The following EFCAB5 variants were observed in gnomAD, a reference collection of about 807,000 sequenced individuals.
The protein encoded by EFCAB5 is EF-hand calcium binding domain 5.
EFCAB5 carries 131 observed loss-of-function variants against 167.9 expected under a neutral mutation model. That is an observed-to-expected ratio of 0.78 (90% CI 0.68 to 0.90). The LOEUF is 0.90. Ranked by LOEUF, EFCAB5 falls within the 40% of genes least tolerant of loss-of-function variation. The pLI is 0.00. For missense variants in EFCAB5, 1,663 were observed against 1,745.2 expected, an observed-to-expected ratio of 0.95 and a Z score of 0.84; for synonymous variants, 574 against 602.8, an observed-to-expected ratio of 0.95 and a Z score of 0.70.
rs2068470519 is a variant in EFCAB5, at chr17:29,993,544, G to A, written c.924+223G>A. ...CTAGATTTCTAAAATCTTGACTCTG[G>A]CTGAGGTTCCCAAACTCATCACTAT... On this transcript the variant is annotated intron_variant, in intron 5 of 22. Transcript: ENST00000394835. 2.0e-5 allele frequency among the ~76,000 whole-genome samples: 3 copies of A among 151,634 alleles called. No individual in the cohort carries two copies. In the South Asian group the frequency reaches 6.2e-4, roughly 31 times the overall value.
chr17:29,961,775 G>A (rs2067724732), intron 3 of EFCAB5, among the ~76,000 whole-genome samples: 1 of 151,818 alleles, frequency 6.6e-6, no homozygotes, highest in Admixed American at 6.6e-5. Context: ...TTAATTTTTT[G>A]TAGAGACACA....
intron 19 of EFCAB5, among the ~76,000 whole-genome samples, chr17:30,088,737 G>A (rs1470157116): frequency 2.0e-5 from 3 of 152,236 alleles, no homozygotes; most frequent in Non-Finnish European, 4.4e-5. Context: ...CACTGTCGTT[G>A]AGTAGGCGGT....
At chr17:30,068,706 A>G (rs1182815602) in intron 14 of EFCAB5, 4 of 1,551,190 alleles carry the variant, frequency 2.6e-6, no homozygotes, top group Non-Finnish European at 3.5e-6. Context: ...TGGGAGTGGC[A>G]GTGGGTGGCA....
chr17:29,972,843 T>A (rs2067986794), intron 4 of EFCAB5: 2 of 209,730 alleles, frequency 9.5e-6, no homozygotes, highest in Non-Finnish European at 2.0e-5. Flanking sequence ...CTGGGAAGGG[T>A]ACAATGTGAT....
At chr17:30,049,697 AT>A (rs1325036869) in intron 8 of EFCAB5, among the ~76,000 whole-genome samples, 1 of 152,250 alleles carries the variant, frequency 6.6e-6, no homozygotes, top group Non-Finnish European at 1.5e-5. Context: ...ATTACAAAAA[AT>A]AATAAACTCT....
chr17:29,934,488 G>A (rs1311161446), intron 1 of EFCAB5, among the ~76,000 whole-genome samples: 5 of 152,182 alleles, frequency 3.3e-5, no homozygotes, highest in Non-Finnish European at 5.9e-5. Context: ...TTAAAAGGGC[G>A]CATCAGATAT....
rs145088239 is a variant in EFCAB5 at position 30,035,881 on chromosome 17, G to A, written c.1200+1496G>A. Reference sequence around the variant, plus strand: ...TTAACTTAGTCAATATGCCAGAATAGCATATTTTAACCCCTTCAGAGGAAA... The same window carrying A: ...TTAACTTAGTCAATATGCCAGAATAACATATTTTAACCCCTTCAGAGGAAA... On this transcript the variant is annotated intron_variant, in intron 8 of 22. Coordinates refer to ENST00000394835, the MANE Select transcript of EFCAB5 (RefSeq NM_198529.4). Among the ~76,000 whole-genome samples the A allele has an allele frequency of 4.4e-3, 664 of 151,674 alleles. 6 individuals carry two copies. Among genetic ancestry groups the A allele is most frequent in the African/African-American group, 0.015 (631 of 41,370 alleles).
At chr17:30,019,573 G>A (rs2069125606) in intron 7 of EFCAB5, among the ~76,000 whole-genome samples, 1 of 151,730 alleles carries the variant, frequency 6.6e-6, no homozygotes. Flanking sequence ...AGCATCCTGA[G>A]TAGCTGGGAT....
upstream of EFCAB5, among the ~76,000 whole-genome samples, chr17:29,938,658 G>A (rs115562799): frequency 8.0e-3 from 1,214 of 152,330 alleles, 11 homozygotes; most frequent in African/African-American, 0.024. Context: ...TGTTCACAGT[G>A]TCTTCACCAG....
intron 7 of EFCAB5, among the ~76,000 whole-genome samples, chr17:30,012,218 C>T (rs1597665622): frequency 6.6e-6 from 1 of 152,216 alleles, no homozygotes; most frequent in Admixed American, 6.5e-5. Context: ...GAAAGGGAGT[C>T]TCCCTTTCCC....
intron 4 of EFCAB5, among the ~76,000 whole-genome samples, chr17:29,976,620 TTG>T (rs762838586): frequency 1.6e-4 from 25 of 152,212 alleles, no homozygotes; most frequent in Non-Finnish European, 3.4e-4. Flanking sequence ...ATACCATTGT[TTG>T]TGTTACCTTC....
chr17:29,994,072 C>T (rs1380863467), intron 5 of EFCAB5, among the ~76,000 whole-genome samples: 1 of 145,654 alleles, frequency 6.9e-6, no homozygotes, highest in East Asian at 2.0e-4. Flanking sequence ...CCACTGCACT[C>T]CAGCCTGGGG....
intron 9 of EFCAB5, among the ~76,000 whole-genome samples, chr17:30,051,747 G>C (rs539732204): frequency 6.6e-6 from 1 of 152,088 alleles, no homozygotes; most frequent in Non-Finnish European, 1.5e-5. Flanking sequence ...TTAATAGAGA[G>C]AAGGTTTCAC....
chr17:29,954,626 G>A (rs117472731), intron 3 of EFCAB5, among the ~76,000 whole-genome samples: 3,425 of 152,324 alleles, frequency 0.022, 62 homozygotes, highest in Middle Eastern at 0.041. Context: ...CTCTACTAGG[G>A]CAGTGTGGCA....
intron 8 of EFCAB5, among the ~76,000 whole-genome samples, chr17:30,039,935 T>G (rs1213309757): frequency 6.6e-6 from 1 of 152,124 alleles, no homozygotes; most frequent in Non-Finnish European, 1.5e-5. Flanking sequence ...AAGCAAAGTC[T>G]CAGTAGTAGA....
chr17:30,082,343 G>A (rs2071003424), intron 17 of EFCAB5, among the ~76,000 whole-genome samples: 1 of 149,116 alleles, frequency 6.7e-6, no homozygotes. Flanking sequence ...TTCACTGGAT[G>A]ACTATCAAAA....
At chr17:29,971,273 CA>C (rs931790477) in intron 4 of EFCAB5, among the ~76,000 whole-genome samples, 2 of 152,134 alleles carry the variant, frequency 1.3e-5, no homozygotes, top group African/African-American at 4.8e-5. Flanking sequence ...AGTTCTCTTA[CA>C]GTAACATTTT....
intron 6 of EFCAB5, among the ~76,000 whole-genome samples, chr17:29,998,744 C>T (rs1003920828): frequency 1.3e-5 from 2 of 152,124 alleles, no homozygotes; most frequent in Non-Finnish European, 2.9e-5. Context: ...CTTTTCTATG[C>T]CCTTGTGCCA....
chr17:30,096,846 A>AT (rs2071302099), intron 22 of EFCAB5, among the ~76,000 whole-genome samples: 1 of 144,848 alleles, frequency 6.9e-6, no homozygotes, highest in Non-Finnish European at 1.5e-5. Context: ...CGCTTGGCTA[A>AT]TTTTTGTATT....
Sources: allele counts gnomAD v4.1 joint callset (sites outside exome capture counted in the v4.1 genomes callset), GRCh38; gene constraint gnomAD v4.1.1; transcripts MANE v1.5; gene names NCBI Gene and HGNC (gene_info 2026-07-23, HGNC 2026-07-21).